RABL3: variants seen among roughly 807,000 people sequenced by gnomAD.
The protein encoded by RABL3 is RAB, member of RAS oncogene family like 3, also known as rab-like protein 3.
RABL3 carries 31 observed loss-of-function variants against 31.8 expected under a neutral mutation model. The ratio of observed to expected loss-of-function variants is 0.97; its 90% CI spans 0.73 to 1.31. The LOEUF is 1.31. Ranked by LOEUF, RABL3 falls within the 40% of genes most tolerant of loss-of-function variation. The pLI, the probability that RABL3 is intolerant of heterozygous loss-of-function variation, is 0.00. For missense variants in RABL3, 263 were observed against 279.6 expected, an observed-to-expected ratio of 0.94 and a Z score of 0.42; for synonymous variants, 97 against 99.9, an observed-to-expected ratio of 0.97 and a Z score of 0.18.
rs1045444745 is a variant in RABL3, at chr3:120,698,354, A to G, written c.534+69T>C. On this transcript the variant is annotated intron_variant, in intron 5 of 7. Transcript: ENST00000273375. ...AAAGCTTCTTTCACTAGAATATATT[A>G]TTTGAATATGTCTTCAGTTTTGTCT... The G allele has an allele frequency of 6.3e-5, 87 of 1,385,226 alleles. No homozygotes were observed. The African/African-American group carries it at 1.2e-3, about 19-fold the overall frequency. The allele number at this position is 1,385,226 out of a possible 1,614,324, so 85.8% of individuals were successfully genotyped here.
chr3:120,737,194 TC>T (rs1333708748), intron 1 of RABL3, among the ~76,000 whole-genome samples: 1 of 152,232 alleles, frequency 6.6e-6, no homozygotes, highest in African/African-American at 2.4e-5. Context: ...TTGCACATAG[TC>T]CCATATTTCT....
intron 2 of RABL3, among the ~76,000 whole-genome samples, chr3:120,710,962 G>C (rs1020666807): frequency 6.6e-6 from 1 of 151,974 alleles, no homozygotes; most frequent in African/African-American, 2.4e-5. Flanking sequence ...ACTATTCCTT[G>C]TCAAGGTCAC....
intron 1 of RABL3, among the ~76,000 whole-genome samples, chr3:120,740,314 T>C (rs1389126315): frequency 1.3e-5 from 2 of 152,110 alleles, no homozygotes; most frequent in African/African-American, 2.4e-5. Context: ...CAGGCTAGAG[T>C]GCAGTGGCAC....
In RABL3 at chr3:120,687,573, T is replaced by C. The variant is rs1464827544; in HGVS notation, c.*2250A>G. The stretch of plus-strand genomic sequence containing the variant: ...TTCTTTTTTGAATAACTCTAGCTAA[T>C]AACATTCATTTGCGCAAAAAGCCTT... On this transcript the variant is annotated 3_prime_UTR_variant, in exon 8 of 8. Transcript: ENST00000273375. The C allele has an allele frequency of 2.0e-5, 3 of 152,220 alleles. No individual in the cohort carries two copies. The highest frequency in any genetic ancestry group is 4.8e-5 in the African/African-American group (2 of 41,468). 9.4% of individuals were successfully genotyped at this position (152,220 alleles called of 1,614,324 possible). A position where few individuals can be genotyped will look rare whatever the true frequency, so the allele number is the denominator to read the frequency against.
intron 4 of RABL3, among the ~76,000 whole-genome samples, chr3:120,700,632 T>G (rs1163235224): frequency 6.6e-6 from 1 of 152,112 alleles, no homozygotes; most frequent in Non-Finnish European, 1.5e-5. Flanking sequence ...TATTAAAGTT[T>G]TAGCTGTGAT....
chr3:120,739,198 G>A (rs1185018917), intron 1 of RABL3, among the ~76,000 whole-genome samples: 12 of 152,166 alleles, frequency 7.9e-5, no homozygotes, highest in Non-Finnish European at 1.6e-4. Context: ...CCAAAATGGT[G>A]AAACCCTGTC....
At chr3:120,700,448 T>C (rs1394622496) in intron 4 of RABL3, among the ~76,000 whole-genome samples, 1 of 151,656 alleles carries the variant, frequency 6.6e-6, no homozygotes, top group African/African-American at 2.4e-5. Context: ...ACAAATAAAG[T>C]GCTAGGAGGT....
chr3:120,742,155 CTT>C (rs55966768), intron 1 of RABL3, among the ~76,000 whole-genome samples: 62 of 132,662 alleles, frequency 4.7e-4, no homozygotes, highest in Admixed American at 6.9e-4. Flanking sequence ...TCAATGCCTG[CTT>C]TTTTTTTTTT....
Position 120,687,285 on chromosome 3 carries a change from T to C in RABL3, c.*2538A>G, listed in dbSNP as rs1443651120. 1 of 152,112 alleles carries C rather than the reference T, an allele frequency of 6.6e-6. No individual in the cohort carries two copies. The highest frequency in any genetic ancestry group is 1.5e-5 in the Non-Finnish European group (1 of 68,010). The allele number at this position is 152,112 out of a possible 1,614,324, so 9.4% of individuals were successfully genotyped here. ...AACTTGTCCCATCAAGAGAGTAAGATATACATATGTAAAGAGATGGAGTCC... is the reference window on the plus strand; with the variant it reads ...AACTTGTCCCATCAAGAGAGTAAGACATACATATGTAAAGAGATGGAGTCC... On this transcript the variant is annotated 3_prime_UTR_variant, in exon 8 of 8. Coordinates refer to ENST00000273375, the MANE Select transcript of RABL3 (RefSeq NM_173825.5).
intron 1 of RABL3, among the ~76,000 whole-genome samples, chr3:120,737,243 A>G (rs1041776723): frequency 2.0e-5 from 3 of 152,052 alleles, no homozygotes; most frequent in African/African-American, 7.2e-5. Flanking sequence ...TTTTTTCTCT[A>G]AACTTCTCTT....
At chr3:120,692,753 C>G (rs192055150) in intron 6 of RABL3, among the ~76,000 whole-genome samples, 1 of 152,114 alleles carries the variant, frequency 6.6e-6, no homozygotes, top group Non-Finnish European at 1.5e-5. Context: ...CCTGACAACT[C>G]GGATTATACC....
At chr3:120,709,673 T>C (rs2107582724) in intron 3 of RABL3, 107 bp downstream of exon 3, 1 of 827,962 alleles carries the variant, frequency 1.2e-6, no homozygotes. Context: ...GTGAGTACAT[T>C]ATATCTTTCT....
intron 1 of RABL3, among the ~76,000 whole-genome samples, chr3:120,736,874 G>C (rs1331160967): frequency 6.6e-6 from 1 of 152,192 alleles, no homozygotes; most frequent in Non-Finnish European, 1.5e-5. Context: ...ACTCTCTTCT[G>C]GTTTGTAGAG....
intron 2 of RABL3, among the ~76,000 whole-genome samples, chr3:120,724,532 G>A (rs925723563): frequency 1.1e-4 from 16 of 152,242 alleles, no homozygotes; most frequent in African/African-American, 2.4e-4. Flanking sequence ...GAGGCATCAC[G>A]CTACCTGACT....
intron 1 of RABL3, among the ~76,000 whole-genome samples, chr3:120,733,140 T>A (rs980111174): frequency 1.3e-5 from 2 of 152,198 alleles, no homozygotes; most frequent in Non-Finnish European, 2.9e-5. Flanking sequence ...ATCGCCCCAC[T>A]CTCTTCCACA....
chr3:120,698,077 T>TC (rs1375843156), intron 5 of RABL3, among the ~76,000 whole-genome samples: 1 of 152,150 alleles, frequency 6.6e-6, no homozygotes, highest in Non-Finnish European at 1.5e-5. Flanking sequence ...AGCATGAGAA[T>TC]CGCTTGAACC....
chr3:120,737,016 T>C lies in RABL3; in HGVS notation c.46+5446A>G, dbSNP rs563539574. On this transcript the variant is annotated intron_variant, in intron 1 of 7. Coordinates refer to ENST00000273375, the MANE Select transcript of RABL3 (RefSeq NM_173825.5). ...CAATTACATGTCTTGGAGTTGCTCC[T>C]CTTGAGGAGTATCTTTGTGGCGTTC... is the stretch of plus-strand genomic sequence containing the variant. Among the ~76,000 whole-genome samples, 7 of 152,332 alleles carry C rather than the reference T, an allele frequency of 4.6e-5. No homozygotes were observed. In the East Asian group the frequency reaches 1.4e-3, roughly 29 times the overall value.
At chr3:120,729,393 C>T (rs903929811) in intron 2 of RABL3, among the ~76,000 whole-genome samples, 4 of 152,062 alleles carry the variant, frequency 2.6e-5, no homozygotes, top group Non-Finnish European at 4.4e-5. Flanking sequence ...GAAAAAAATC[C>T]TGTTGAAGAT....
At chr3:120,724,372 G>A (rs1219128219) in intron 2 of RABL3, among the ~76,000 whole-genome samples, 3 of 152,144 alleles carry the variant, frequency 2.0e-5, no homozygotes, top group African/African-American at 7.2e-5. Context: ...TGGCCATACT[G>A]CCCAAGGTAA....
Sources: allele counts gnomAD v4.1 joint callset (sites outside exome capture counted in the v4.1 genomes callset), GRCh38; gene constraint gnomAD v4.1.1; transcripts MANE v1.5; gene names NCBI Gene and HGNC (gene_info 2026-07-23, HGNC 2026-07-21).